ADAM10: variants seen among roughly 807,000 people sequenced by gnomAD.
ADAM10 encodes ADAM metallopeptidase domain 10.
In ADAM10, 17 loss-of-function variants were observed where a neutral mutation model predicts 90.1. The observed-to-expected ratio is 0.19, with a 90% CI of 0.13 to 0.28. The LOEUF (loss-of-function observed/expected upper bound fraction) is 0.28, where lower values mean the gene tolerates loss of function less well. ADAM10 is among the 10% of genes least tolerant of loss of function. The pLI, the probability that ADAM10 is intolerant of heterozygous loss-of-function variation, is 1.00. For missense variants in ADAM10, 610 were observed against 914.3 expected (o/e 0.67, Z 4.29); for synonymous variants, 310 against 298.6 (o/e 1.04, Z -0.40).
intron 1 of ADAM10, among the ~76,000 whole-genome samples, chr15:58,729,136 C>A (rs189615956): frequency 6.6e-6 from 1 of 151,988 alleles, no homozygotes; most frequent in East Asian, 1.9e-4. Context: ...GGCAGAAGAA[C>A]TGCTTGAGCC....
At chr15:58,655,742 C>CTTT (rs71116585) in intron 5 of ADAM10, among the ~76,000 whole-genome samples, 7 of 39,664 alleles carry the variant, frequency 1.8e-4, no homozygotes, top group Non-Finnish European at 2.1e-4. Context: ...TATATATATT[C>CTTT]TTTTTTTTTT....
At chr15:58,625,876 T>C (rs1895925693) in intron 10 of ADAM10, among the ~76,000 whole-genome samples, 1 of 152,188 alleles carries the variant, frequency 6.6e-6, no homozygotes, top group African/African-American at 2.4e-5. Context: ...CCCCAGGGAA[T>C]TATGTTGAGT....
rs200207139 is a variant in ADAM10 at position 58,665,204 on chromosome 15, T to C, written c.485-7A>G. On this transcript the variant is annotated splice_region_variant and splice_polypyrimidine_tract_variant and intron_variant, in intron 4 of 15. Coordinates refer to ENST00000260408, the MANE Select transcript of ADAM10 (RefSeq NM_001110.4). ...CCGTATTTATGGGGATAGTCTAAAATACAAAGAAGAAACGTCATTACTATC... is the reference window on the plus strand; with the variant it reads ...CCGTATTTATGGGGATAGTCTAAAACACAAAGAAGAAACGTCATTACTATC... 8.4e-5 allele frequency: 134 copies of C among 1,586,904 alleles called. 1 individual carries two copies. In the South Asian group the frequency reaches 1.4e-3, roughly 17 times the overall value.
intron 3 of ADAM10, among the ~76,000 whole-genome samples, chr15:58,679,731 C>T (rs1897377539): frequency 6.6e-6 from 1 of 152,008 alleles, no homozygotes; most frequent in Admixed American, 6.6e-5. Flanking sequence ...ATAGCGAAAC[C>T]CTGTCTCTAC....
intron 1 of ADAM10, among the ~76,000 whole-genome samples, chr15:58,737,368 C>A (rs1175788938): frequency 6.6e-6 from 1 of 152,054 alleles, no homozygotes; most frequent in Non-Finnish European, 1.5e-5. Context: ...AAATAAAATA[C>A]CTTCTATAAA....
At chr15:58,702,062 C>T (rs1434053647) in intron 2 of ADAM10, among the ~76,000 whole-genome samples, 1 of 151,980 alleles carries the variant, frequency 6.6e-6, no homozygotes, top group East Asian at 1.9e-4. Flanking sequence ...GCCGAGATCG[C>T]ACCATTGCAC....
At chr15:58,662,178 ATAT>A (rs1190594795) in intron 5 of ADAM10, among the ~76,000 whole-genome samples, 1 of 152,122 alleles carries the variant, frequency 6.6e-6, no homozygotes, top group Non-Finnish European at 1.5e-5. Flanking sequence ...CCTTTAACAA[ATAT>A]TATTGAGCTT....
chr15:58,619,740 T>C (rs1895724659), intron 11 of ADAM10, among the ~76,000 whole-genome samples: 1 of 151,938 alleles, frequency 6.6e-6, no homozygotes, highest in South Asian at 2.1e-4. Context: ...CCATCTCTAC[T>C]AAAAATACAA....
rs1291104682 is a variant in ADAM10, at chr15:58,596,471, T to A, written c.*1076A>T. On this transcript the variant is annotated 3_prime_UTR_variant, in exon 16 of 16. Coordinates refer to ENST00000260408, the MANE Select transcript of ADAM10 (RefSeq NM_001110.4). Reference sequence around the variant, plus strand: ...ACTTAAGCAAATTACTCATCTTTAGTGGTTACCAATGATCAGTGATGATAT... The same window carrying A: ...ACTTAAGCAAATTACTCATCTTTAGAGGTTACCAATGATCAGTGATGATAT... The A allele has an allele frequency of 6.6e-6, 1 of 152,654 alleles. No individual in the cohort carries two copies. Among genetic ancestry groups the A allele is most frequent in the East Asian group, 1.9e-4 (1 of 5,202 alleles). The allele number at this position is 152,654 out of a possible 1,614,324, so 9.5% of individuals were successfully genotyped here. A position where few individuals can be genotyped will look rare whatever the true frequency, so the allele number is the denominator to read the frequency against.
At chr15:58,603,076 A>G (rs1298810269) in intron 14 of ADAM10, among the ~76,000 whole-genome samples, 1 of 152,208 alleles carries the variant, frequency 6.6e-6, no homozygotes, top group Non-Finnish European at 1.5e-5. Flanking sequence ...TCTAAAAGCC[A>G]CTTCTTGAGA....
Position 58,611,995 on chromosome 15 carries a change from G to C in ADAM10, c.1512-4C>G, listed in dbSNP as rs750200666. 2 of 1,613,822 alleles carry C rather than the reference G, an allele frequency of 1.2e-6. No homozygotes were observed. The highest frequency in any genetic ancestry group is 2.2e-5 in the South Asian group (2 of 91,080). ...ACAACAAGGACCTTGACTTGGACTA[G>C]AGGAAACATTAAGTGATTAAACAAA... On this transcript the variant is annotated splice_region_variant and splice_polypyrimidine_tract_variant and intron_variant, in intron 11 of 15. Transcript: ENST00000260408.
chr15:58,709,004 A>G (rs566575341), intron 2 of ADAM10, among the ~76,000 whole-genome samples: 1 of 152,362 alleles, frequency 6.6e-6, no homozygotes, highest in East Asian at 1.9e-4. Context: ...AAGAATTTTT[A>G]ATCAGTTTAA....
chr15:58,658,181 A>G (rs553673393), intron 5 of ADAM10, among the ~76,000 whole-genome samples: 1 of 151,990 alleles, frequency 6.6e-6, no homozygotes, highest in Non-Finnish European at 1.5e-5. Flanking sequence ...ATTTTGAGTT[A>G]ATTTTTGTAT....
rs117589889 is a variant in ADAM10, at chr15:58,672,326, G to C, written c.484+6798C>G. 3.8e-5 allele frequency: 6 copies of C among 156,418 alleles called. No individual in the cohort carries two copies. In the East Asian group the frequency reaches 9.1e-4, roughly 24 times the overall value. 9.7% of individuals were successfully genotyped at this position (156,418 alleles called of 1,614,324 possible). A position where few individuals can be genotyped will look rare whatever the true frequency, so the allele number is the denominator to read the frequency against. On this transcript the variant is annotated intron_variant, in intron 4 of 15. Coordinates refer to ENST00000260408, the MANE Select transcript of ADAM10 (RefSeq NM_001110.4). ...GTAAAAGAAGATCCTAAGAAGCCAA[G>C]AGGCAAAAGGTCATCATATGCATTC... is the stretch of plus-strand genomic sequence containing the variant.
intron 5 of ADAM10, among the ~76,000 whole-genome samples, chr15:58,657,144 T>G (rs1896847670): frequency 6.6e-6 from 1 of 152,244 alleles, no homozygotes; most frequent in African/African-American, 2.4e-5. Context: ...TTTGCTGGTT[T>G]GATTATTAAA....
chr15:58,620,660 A>ATTTTTTTTTTTTTTTTTTTTTTTTTTTT (rs570842513), intron 11 of ADAM10, among the ~76,000 whole-genome samples: 2 of 59,442 alleles, frequency 3.4e-5, no homozygotes, highest in Non-Finnish European at 4.7e-5. Flanking sequence ...AAGAATATGT[A>ATTTTTTTTTTTTTTTTTTTTTTTTTTTT]TTTTTTTTTT....
chr15:58,680,447 A>G (rs1426007134), intron 3 of ADAM10, among the ~76,000 whole-genome samples: 1 of 152,218 alleles, frequency 6.6e-6, no homozygotes, highest in African/African-American at 2.4e-5. Flanking sequence ...TAAATAGAAC[A>G]GTGTCAAATA....
chr15:58,726,452 C>G (rs1376520461), intron 1 of ADAM10, among the ~76,000 whole-genome samples: 3 of 149,362 alleles, frequency 2.0e-5, no homozygotes, highest in African/African-American at 7.4e-5. Context: ...GTAATCCCAG[C>G]TACTCAGGAG....
intron 1 of ADAM10, among the ~76,000 whole-genome samples, chr15:58,737,501 T>G (rs570595421): frequency 6.6e-6 from 1 of 152,312 alleles, no homozygotes; most frequent in South Asian, 2.1e-4. Flanking sequence ...AACTGATAAC[T>G]ACTATTTGAC....
Sources: gnomAD v4.1 joint callset for allele counts (sites outside exome capture counted in the v4.1 genomes callset) on GRCh38, gnomAD v4.1.1 for gene constraint, MANE v1.5 for transcripts, NCBI Gene and HGNC (gene_info 2026-07-23, HGNC 2026-07-21) for gene names.